PSMC2: variants seen among roughly 807,000 people sequenced by gnomAD.
PSMC2 encodes the protein proteasome 26S subunit, ATPase 2.
Under a neutral mutation model 53.3 loss-of-function variants are expected in PSMC2, and 7 were observed. The observed-to-expected ratio is 0.13, with a 90% CI of 0.07 to 0.25. The LOEUF (loss-of-function observed/expected upper bound fraction) is 0.25, where lower values mean the gene tolerates loss of function less well. Ranked by LOEUF, PSMC2 falls within the 10% of genes least tolerant of loss-of-function variation. The pLI is 1.00. For missense variants in PSMC2, 241 were observed against 544.0 expected, an observed-to-expected ratio of 0.44 and a Z score of 5.54; for synonymous variants, 169 against 183.9, an observed-to-expected ratio of 0.92 and a Z score of 0.66.
At chr7:103,348,783 T>G (rs1052792204) in intron 1 of PSMC2, 7 of 929,056 alleles carry the variant, frequency 7.5e-6, no homozygotes, top group Admixed American at 3.4e-5. Flanking sequence ...TGATCTTCCT[T>G]CAAAGGATTA....
intron 5 of PSMC2, 70 bp from the exon 6 acceptor site, chr7:103,362,616 A>G: frequency 1.3e-6 from 2 of 1,491,548 alleles, no homozygotes; most frequent in Non-Finnish European, 9.3e-7. Context: ...TTTGGGGATA[A>G]AGGACTAAAC....
intron 9 of PSMC2, among the ~76,000 whole-genome samples, chr7:103,366,812 T>C (rs1820741510): frequency 6.6e-6 from 1 of 152,158 alleles, no homozygotes; most frequent in Non-Finnish European, 1.5e-5. Context: ...CTAGACTTTT[T>C]TTTTTGTTTT....
Position 103,368,138 on chromosome 7 carries a change from A to T in PSMC2, c.*84A>T. On this transcript the variant is annotated 3_prime_UTR_variant, in exon 12 of 12. Transcript: ENST00000292644. The stretch of plus-strand genomic sequence containing the variant: ...TTAATAACCAATTCATAAACAAATA[A>T]ATGGCTTCAAAATTGTATGCTTTTT... 8.2e-7 allele frequency: 1 copy of T among 1,217,550 alleles called. No homozygotes were observed. Among genetic ancestry groups the T allele is most frequent in the East Asian group, 2.5e-5 (1 of 40,672 alleles). The allele number at this position is 1,217,550 out of a possible 1,614,324, so 75.4% of individuals were successfully genotyped here.
chr7:103,355,647 G>C, intron 3 of PSMC2, 47 bp from the exon 4 acceptor site: 1 of 1,376,618 alleles, frequency 7.3e-7, no homozygotes, highest in South Asian at 1.2e-5. Flanking sequence ...CTTATTATAG[G>C]GTGATGCATT....
Position 103,364,214 on chromosome 7 carries a change from C to G in PSMC2, c.663C>G (p.Gly221=), listed in dbSNP as rs1820569533. The change falls in exon 8 of 12, where the codon GGC becomes GGG. Residue 221 remains glycine (G), a synonymous_variant. Coordinates refer to ENST00000292644, the MANE Select transcript of PSMC2 (RefSeq NM_002803.4). ...TGCTCTTTGGTCCACCCGGTACAGG[C>G]AAGACACTCTGTGCGCGGGCAGTTG... ...GVLLFGPPGT[G]KTLCARAVAN... is the part of the protein sequence containing the mutation. The G allele has an allele frequency of 1.2e-6, 2 of 1,614,178 alleles. No homozygotes were observed. The highest frequency in any genetic ancestry group is 2.2e-5 in the East Asian group (1 of 44,886).
At chr7:103,363,109 A>T (rs911994046) in intron 6 of PSMC2, among the ~76,000 whole-genome samples, 3 of 151,990 alleles carry the variant, frequency 2.0e-5, no homozygotes, top group East Asian at 1.9e-4. Flanking sequence ...TTATATATAT[A>T]TTTTTTGAGA....
chr7:103,352,343 T>A (rs1737985231), intron 1 of PSMC2, among the ~76,000 whole-genome samples: 1 of 150,100 alleles, frequency 6.7e-6, no homozygotes, highest in African/African-American at 2.4e-5. Context: ...GAATGGTCAG[T>A]TGGGAAGTAC....
intron 4 of PSMC2, among the ~76,000 whole-genome samples, chr7:103,361,258 C>T (rs939889275): frequency 4.0e-5 from 6 of 150,504 alleles, no homozygotes; most frequent in Admixed American, 2.0e-4. Flanking sequence ...CTGAGGCGGG[C>T]GGATCACCTG....
upstream of PSMC2, chr7:103,347,564 G>A (rs1819629194): frequency 2.4e-6 from 2 of 823,236 alleles, no homozygotes; most frequent in Admixed American, 4.5e-5. Context: ...CGTTTCCCCA[G>A]GGCTCTGTCC....
intron 8 of PSMC2, among the ~76,000 whole-genome samples, chr7:103,364,513 G>A (rs563595319): frequency 2.0e-5 from 3 of 152,200 alleles, no homozygotes; most frequent in Non-Finnish European, 2.9e-5. Context: ...GGGCTTAGGC[G>A]ATCCTCCCAT....
intron 8 of PSMC2, among the ~76,000 whole-genome samples, chr7:103,364,981 A>ATATATATATATATT (rs950613120): frequency 9.9e-4 from 140 of 140,788 alleles, no homozygotes; most frequent in African/African-American, 3.0e-3. Flanking sequence ...ATATATATAT[A>ATATATATATATATT]TATTTAGAGA....
intron 1 of PSMC2, chr7:103,348,634 C>G (rs973632109): frequency 3.7e-6 from 5 of 1,353,578 alleles, no homozygotes; most frequent in Non-Finnish European, 4.2e-6. Context: ...GAGCCACCCG[C>G]GAAAATTCGG....
chr7:103,349,693 G>A (rs955765742), intron 1 of PSMC2, among the ~76,000 whole-genome samples: 1 of 152,012 alleles, frequency 6.6e-6, no homozygotes, highest in African/African-American at 2.4e-5. Context: ...CAGGTGATCC[G>A]CCCACCTTGG....
intron 6 of PSMC2, 130 bp downstream of exon 6, chr7:103,362,888 G>C: frequency 1.5e-6 from 1 of 673,048 alleles, no homozygotes; most frequent in Non-Finnish European, 2.5e-6. Flanking sequence ...CTGCCTCCCG[G>C]GTTCAAGCAA....
intron 6 of PSMC2, 55 bp from the exon 7 acceptor site, chr7:103,363,289 G>A (rs1820519188): frequency 1.3e-5 from 18 of 1,395,476 alleles, no homozygotes; most frequent in Admixed American, 3.4e-5. Context: ...ATTGAATTTG[G>A]ACAGTATCCA....
At chr7:103,357,503 T>G (rs1820105272) in intron 4 of PSMC2, among the ~76,000 whole-genome samples, 1 of 152,178 alleles carries the variant, frequency 6.6e-6, no homozygotes, top group South Asian at 2.1e-4. Flanking sequence ...TACTTCTTGA[T>G]TTTTTAGTTT....
At chr7:103,349,024 G>A (rs1235397516) in intron 1 of PSMC2, among the ~76,000 whole-genome samples, 1 of 152,180 alleles carries the variant, frequency 6.6e-6, no homozygotes, top group African/African-American at 2.4e-5. Context: ...ACCAGTTTTG[G>A]ATATAACTTC....
At chr7:103,351,606 G>C (rs949152773) in intron 1 of PSMC2, among the ~76,000 whole-genome samples, 5 of 152,168 alleles carry the variant, frequency 3.3e-5, no homozygotes, top group Non-Finnish European at 5.9e-5. Context: ...ACCTTTTTCA[G>C]TTCTGGGAAT....
At chr7:103,354,811 G>A in intron 2 of PSMC2, 57 bp from the exon 3 acceptor site, 2 of 1,148,308 alleles carry the variant, frequency 1.7e-6, no homozygotes, top group Middle Eastern at 2.2e-4. Context: ...TTTACCTGTA[G>A]TTTTAATAAA....
Sources: gnomAD v4.1 joint callset for allele counts (sites outside exome capture counted in the v4.1 genomes callset) on GRCh38, gnomAD v4.1.1 for gene constraint, MANE v1.5 for transcripts, NCBI Gene and HGNC (gene_info 2026-07-23, HGNC 2026-07-21) for gene names.